The following TTC28 variants were observed in gnomAD, a reference collection of about 807,000 sequenced individuals.
TTC28 encodes tetratricopeptide repeat protein 28.
Under a neutral mutation model 198.0 loss-of-function variants are expected in TTC28, and 61 were observed. That is an observed-to-expected ratio of 0.31 (90% CI 0.25 to 0.38). The LOEUF (loss-of-function observed/expected upper bound fraction) is 0.38. Among genes scored for constraint, TTC28 ranks in the 10% least tolerant of loss-of-function variants. The pLI is 1.00. For missense variants in TTC28, 2,678 were observed against 3,164.0 expected (o/e 0.85, Z 3.69); for synonymous variants, 1,171 against 1,297.8 (o/e 0.90, Z 2.10).
At chr22:28,259,685 A>G (rs145305079) in intron 5 of TTC28, among the ~76,000 whole-genome samples, 7 of 152,178 alleles carry the variant, frequency 4.6e-5, no homozygotes, top group Admixed American at 1.3e-4. Flanking sequence ...TATTTTTTTT[A>G]AAAAGAATTG....
chr22:28,489,009 C>T (rs1194228798), intron 2 of TTC28, among the ~76,000 whole-genome samples: 1 of 152,148 alleles, frequency 6.6e-6, no homozygotes, highest in South Asian at 2.1e-4. Context: ...CTTGGCCAGG[C>T]ATAGTAGCTC....
chr22:28,178,466 G>A (rs928284308), intron 5 of TTC28, among the ~76,000 whole-genome samples: 3 of 151,824 alleles, frequency 2.0e-5, no homozygotes, highest in Admixed American at 1.3e-4. Context: ...AAACTCTGTC[G>A]AGGGAGAGGA....
intron 5 of TTC28, among the ~76,000 whole-genome samples, chr22:28,287,542 T>C (rs2044707453): frequency 6.6e-6 from 1 of 151,836 alleles, no homozygotes; most frequent in South Asian, 2.1e-4. Context: ...AAAAGGAAAA[T>C]GTTGCTAAGG....
At chr22:28,162,858 G>C (rs950460011) in intron 6 of TTC28, among the ~76,000 whole-genome samples, 2 of 152,220 alleles carry the variant, frequency 1.3e-5, no homozygotes, top group Admixed American at 6.5e-5. Context: ...GCTGAGGTGG[G>C]AAGATCACTG....
In TTC28 at chr22:28,108,382, C is replaced by T. The variant is rs199839291; in HGVS notation, c.1463G>A (p.Gly488Asp). 6.8e-5 allele frequency: 99 copies of T among 1,452,938 alleles called. No individual in the cohort carries two copies. The highest frequency in any genetic ancestry group is 1.8e-4 in the Middle Eastern group (1 of 5,568). 90.0% of individuals were successfully genotyped at this position (1,452,938 alleles called of 1,614,324 possible). ...GAGTTTCAGTGCAGTGTCATAATCA[C>T]CTTTCATCTGGTGTATGATTCCTGA... The part of the protein sequence containing the change: ...SNLGIIHQMK[G>D]DYDTALKLHK... Residue 488 changes from glycine (G) to aspartate (D), a missense_variant, in exon 7 of 23, where the codon GGT (glycine) becomes GAT (aspartate). Physicochemically the swap from Gly to Asp is moderately conservative, Grantham distance 94. Around this residue, in one of 8 missense-constraint regions of TTC28, gnomAD observed 775 missense variants for 845.9 expected, o/e 0.92. Transcript: ENST00000397906.
chr22:28,160,430 C>T (rs1344396274), intron 6 of TTC28, among the ~76,000 whole-genome samples: 2 of 151,934 alleles, frequency 1.3e-5, no homozygotes, highest in Admixed American at 6.6e-5. Context: ...AATCAAGGAA[C>T]AAAATATGAC....
intron 6 of TTC28, among the ~76,000 whole-genome samples, chr22:28,112,493 C>CA (rs982777720): frequency 9.2e-5 from 14 of 152,240 alleles, no homozygotes; most frequent in African/African-American, 3.4e-4. Context: ...GGAAGACTCT[C>CA]AAAGGCTTCC....
At chr22:28,199,247 T>G (rs995509194) in intron 5 of TTC28, among the ~76,000 whole-genome samples, 1 of 151,696 alleles carries the variant, frequency 6.6e-6, no homozygotes, top group Admixed American at 6.6e-5. Flanking sequence ...AAAACTCATA[T>G]TCTGGAATAC....
intron 2 of TTC28, among the ~76,000 whole-genome samples, chr22:28,459,035 A>G (rs695439): frequency 0.75 from 113,953 of 151,936 alleles, 42,922 homozygotes; most frequent in South Asian, 0.84. Flanking sequence ...GGGTGTGTGG[A>G]CGTGTGTGTG....
chr22:28,629,419 A>G (rs764707129), intron 2 of TTC28, 133 bp downstream of exon 2: 42 of 897,352 alleles, frequency 4.7e-5, no homozygotes, highest in Non-Finnish European at 6.5e-5. Flanking sequence ...CAAGGAAGTC[A>G]TTTTATATTT....
chr22:28,177,685 G>T (rs1037989177), intron 5 of TTC28, among the ~76,000 whole-genome samples: 14 of 152,182 alleles, frequency 9.2e-5, no homozygotes, highest in African/African-American at 3.4e-4. Flanking sequence ...AAAAACAATG[G>T]TCTATCAAGC....
At chr22:28,572,035 T>C (rs573985838) in intron 2 of TTC28, among the ~76,000 whole-genome samples, 1 of 150,946 alleles carries the variant, frequency 6.6e-6, no homozygotes, top group Admixed American at 6.6e-5. Flanking sequence ...AGAAACTCAT[T>C]GTATAAAGAA....
At chr22:28,280,429 C>A (rs531106051) in intron 5 of TTC28, among the ~76,000 whole-genome samples, 2 of 152,232 alleles carry the variant, frequency 1.3e-5, no homozygotes, top group South Asian at 4.1e-4. Context: ...GCCTCCGCCT[C>A]CTGGGTTCAA....
chr22:28,263,243 A>G (rs1436263603), intron 5 of TTC28, among the ~76,000 whole-genome samples: 1 of 152,172 alleles, frequency 6.6e-6, no homozygotes, highest in Non-Finnish European at 1.5e-5. Context: ...TGTTACATTC[A>G]TTTAATCTCT....
intron 2 of TTC28, among the ~76,000 whole-genome samples, chr22:28,610,292 G>A (rs750337265): frequency 6.6e-6 from 1 of 152,158 alleles, no homozygotes. Flanking sequence ...TGTCCTGACT[G>A]GGAGATACCT....
At chr22:28,384,617 CA>C (rs755011736) in intron 2 of TTC28, among the ~76,000 whole-genome samples, 2 of 152,314 alleles carry the variant, frequency 1.3e-5, no homozygotes, top group African/African-American at 4.8e-5. Context: ...GGTATTCTCG[CA>C]GTTAACTGGG....
At chr22:28,249,029 A>T (rs1930325068) in intron 5 of TTC28, among the ~76,000 whole-genome samples, 1 of 152,120 alleles carries the variant, frequency 6.6e-6, no homozygotes, top group African/African-American at 2.4e-5. Context: ...CTCGATTTGT[A>T]CTGTATTATA....
At chr22:28,544,919 T>C (rs2049503732) in intron 2 of TTC28, among the ~76,000 whole-genome samples, 1 of 152,204 alleles carries the variant, frequency 6.6e-6, no homozygotes. Context: ...ATCCACCCCT[T>C]GTAGAGCATA....
chr22:28,261,970 T>G (rs1931350930), intron 5 of TTC28, among the ~76,000 whole-genome samples: 1 of 152,138 alleles, frequency 6.6e-6, no homozygotes, highest in Non-Finnish European at 1.5e-5. Context: ...TCAGAAACAT[T>G]TAATAGAAGA....
Sources: allele counts gnomAD v4.1 joint callset (sites outside exome capture counted in the v4.1 genomes callset), GRCh38; gene constraint gnomAD v4.1.1; regional missense constraint gnomAD v4.1.1; transcripts MANE v1.5; gene names NCBI Gene and HGNC (gene_info 2026-07-23, HGNC 2026-07-21).